GRID2: variants seen among roughly 807,000 people sequenced by gnomAD.
The protein encoded by GRID2 is glutamate ionotropic receptor delta type subunit 2.
In GRID2, 33 loss-of-function variants were observed where a neutral mutation model predicts 114.8. That is an observed-to-expected ratio of 0.29 (90% confidence interval 0.22 to 0.38). The LOEUF (loss-of-function observed/expected upper bound fraction) is 0.38. GRID2 is among the 10% of genes least tolerant of loss of function. GRID2 has a pLI of 1.00. For missense variants in GRID2, 1,184 were observed against 1,257.7 expected, an observed-to-expected ratio of 0.94 and a Z score of 0.89; for synonymous variants, 505 against 449.9, an observed-to-expected ratio of 1.12 and a Z score of -1.55.
intron 14 of GRID2, among the ~76,000 whole-genome samples, chr4:93,684,736 G>A (rs753458573): frequency 1.1e-4 from 16 of 152,014 alleles, no homozygotes; most frequent in Non-Finnish European, 1.9e-4. Flanking sequence ...GGTAGAGGAT[G>A]AGGAACACAG....
At chr4:93,103,888 A>G (rs908860449) in intron 3 of GRID2, among the ~76,000 whole-genome samples, 3 of 151,314 alleles carry the variant, frequency 2.0e-5, no homozygotes, top group African/African-American at 7.3e-5. Context: ...GATCCCATAG[A>G]AATGGGATTG....
At chr4:93,454,035 GA>G (rs1722958039) in intron 10 of GRID2, among the ~76,000 whole-genome samples, 1 of 151,956 alleles carries the variant, frequency 6.6e-6, no homozygotes, top group African/African-American at 2.4e-5. Context: ...TTTTCCATCT[GA>G]AAAGACCCAA....
chr4:92,333,952 A>T (rs1360812701), intron 1 of GRID2, among the ~76,000 whole-genome samples: 1 of 152,052 alleles, frequency 6.6e-6, no homozygotes, highest in African/African-American at 2.4e-5. Flanking sequence ...GTTGGTCTCA[A>T]TCTTCTGGGC....
chr4:92,994,668 T>TC (rs1172473810), intron 2 of GRID2, among the ~76,000 whole-genome samples: 2 of 152,148 alleles, frequency 1.3e-5, no homozygotes, highest in Non-Finnish European at 1.5e-5. Flanking sequence ...AAGCTGGCTC[T>TC]CAATTGATGT....
chr4:92,808,266 C>A (rs1241936027), intron 2 of GRID2, among the ~76,000 whole-genome samples: 1 of 151,870 alleles, frequency 6.6e-6, no homozygotes, highest in African/African-American at 2.4e-5. Context: ...GTTTTCTGGC[C>A]TCTATAATTA....
intron 13 of GRID2, among the ~76,000 whole-genome samples, chr4:93,620,144 A>G (rs1357967515): frequency 6.6e-6 from 1 of 152,220 alleles, no homozygotes; most frequent in African/African-American, 2.4e-5. Flanking sequence ...TGTAAATGGC[A>G]TTTTTAGCAG....
At chr4:93,654,380 A>T (rs1304338962) in intron 14 of GRID2, among the ~76,000 whole-genome samples, 1 of 152,174 alleles carries the variant, frequency 6.6e-6, no homozygotes, top group Non-Finnish European at 1.5e-5. Context: ...CCGAGTTCTG[A>T]TGCTGTATTT....
intron 14 of GRID2, among the ~76,000 whole-genome samples, chr4:93,684,253 A>T (rs746416464): frequency 6.6e-6 from 1 of 152,216 alleles, no homozygotes; most frequent in South Asian, 2.1e-4. Flanking sequence ...TGTTTTCTTT[A>T]TCCAGAATCA....
chr4:92,650,221 G>A (rs1731858146), intron 2 of GRID2, among the ~76,000 whole-genome samples: 2 of 151,986 alleles, frequency 1.3e-5, no homozygotes, highest in Non-Finnish European at 2.9e-5. Flanking sequence ...CATTACTTTA[G>A]CAAGTCATTC....
chr4:93,122,803 A>C (rs1733902478), intron 4 of GRID2, among the ~76,000 whole-genome samples: 1 of 151,430 alleles, frequency 6.6e-6, no homozygotes, highest in African/African-American at 2.4e-5. Context: ...AATTATTATT[A>C]AACTGCTCTC....
intron 11 of GRID2, among the ~76,000 whole-genome samples, chr4:93,484,418 CTTG>C (rs985621231): frequency 2.0e-5 from 3 of 151,656 alleles, no homozygotes; most frequent in Non-Finnish European, 4.4e-5. Context: ...GTGAGATTTG[CTTG>C]TTTTCATTGT....
In GRID2 at chr4:93,561,872, G is replaced by A. The variant is rs143613809; in HGVS notation, c.2193+46461G>A. The stretch of plus-strand genomic sequence containing the variant: ...CATAACTTGATAGCTCATTTTTTAA[G>A]CTCTGAATAATGTTCCATTATCTGG... On this transcript the variant is annotated intron_variant, in intron 13 of 15. Coordinates refer to ENST00000282020, the MANE Select transcript of GRID2 (RefSeq NM_001510.4). Among the ~76,000 whole-genome samples, 813 of 152,070 alleles carry A rather than the reference G, an allele frequency of 5.3e-3. 6 individuals carry two copies. The highest frequency in any genetic ancestry group is 0.019 in the African/African-American group (772 of 41,518).
intron 1 of GRID2, among the ~76,000 whole-genome samples, chr4:92,466,887 G>T (rs1255239647): frequency 4.0e-5 from 6 of 151,270 alleles, no homozygotes; most frequent in Non-Finnish European, 8.9e-5. Context: ...ATGCATACAG[G>T]GCTAATACGA....
chr4:93,021,041 A>T (rs1224930727), intron 2 of GRID2, among the ~76,000 whole-genome samples: 1 of 151,894 alleles, frequency 6.6e-6, no homozygotes, highest in Non-Finnish European at 1.5e-5. Context: ...TCAAAAAAAA[A>T]AAAAGAGAAA....
At position 92,780,055 on chromosome 4, in the gene GRID2, A is replaced by G. The variant is rs529007624; in HGVS notation, c.244+189769A>G. 2.0e-5 allele frequency among the ~76,000 whole-genome samples: 3 copies of G among 152,280 alleles called. No homozygotes were observed. In the East Asian group the frequency reaches 5.8e-4, roughly 29 times the overall value. ...CTTAATTACTGAGAAAACAAAACTA[A>G]TAGAGAAGGTGATACATAGCAGCAT... On this transcript the variant is annotated intron_variant, in intron 2 of 15. Coordinates refer to ENST00000282020, the MANE Select transcript of GRID2 (RefSeq NM_001510.4).
intron 2 of GRID2, among the ~76,000 whole-genome samples, chr4:92,985,441 G>A (rs541775664): frequency 2.0e-5 from 3 of 151,966 alleles, no homozygotes; most frequent in African/African-American, 2.4e-5. Flanking sequence ...GTTTCACCGT[G>A]TTAGCCAGGA....
intron 1 of GRID2, among the ~76,000 whole-genome samples, chr4:92,305,759 T>C (rs1475874758): frequency 6.6e-6 from 1 of 152,164 alleles, no homozygotes; most frequent in Non-Finnish European, 1.5e-5. Flanking sequence ...GCTCCAACTC[T>C]ACTCACTTGC....
At chr4:92,765,678 G>A (rs1461371502) in intron 2 of GRID2, among the ~76,000 whole-genome samples, 1 of 152,120 alleles carries the variant, frequency 6.6e-6, no homozygotes, top group Non-Finnish European at 1.5e-5. Context: ...ACTCCCTATG[G>A]CACTGCTAAT....
intron 2 of GRID2, among the ~76,000 whole-genome samples, chr4:92,706,444 G>A (rs936799388): frequency 6.6e-6 from 1 of 151,208 alleles, no homozygotes; most frequent in African/African-American, 2.4e-5. Context: ...TAATCTATAT[G>A]AAATCCATAT....
Sources: gnomAD v4.1 joint callset for allele counts (sites outside exome capture counted in the v4.1 genomes callset) on GRCh38, gnomAD v4.1.1 for gene constraint, MANE v1.5 for transcripts, NCBI Gene and HGNC (gene_info 2026-07-23, HGNC 2026-07-21) for gene names.